The following ADARB2 variants were observed in gnomAD, a reference collection of about 807,000 sequenced individuals.
ADARB2 encodes adenosine deaminase RNA specific B2 (inactive).
A neutral mutation model predicts 62.2 loss-of-function variants in ADARB2; 25 were observed. The observed-to-expected ratio is 0.40, with a 90% CI of 0.29 to 0.56. The LOEUF is 0.56. Among genes scored for constraint, ADARB2 ranks in the 20% least tolerant of loss-of-function variants. ADARB2 has a pLI of 0.43. For synonymous variants in ADARB2, 572 were observed against 500.8 expected, an observed-to-expected ratio of 1.14 and a Z score of -1.90; for missense variants, 1,071 against 1,077.4, an observed-to-expected ratio of 0.99 and a Z score of 0.08.
intron 1 of ADARB2, among the ~76,000 whole-genome samples, chr10:1,732,144 G>A: frequency 6.6e-6 from 1 of 151,694 alleles, no homozygotes; most frequent in East Asian, 1.9e-4. Context: ...TATAAAAATT[G>A]CTCAAATGTT....
intron 1 of ADARB2, among the ~76,000 whole-genome samples, chr10:1,565,337 C>A (rs115166240): frequency 5.3e-5 from 8 of 152,256 alleles, no homozygotes; most frequent in African/African-American, 1.9e-4. Flanking sequence ...CAACACAGAT[C>A]GAATGCGTCT....
intron 1 of ADARB2, among the ~76,000 whole-genome samples, chr10:1,616,153 C>T (rs1450190803): frequency 1.3e-5 from 2 of 152,162 alleles, no homozygotes; most frequent in East Asian, 1.9e-4. Context: ...ACTTTTTCTC[C>T]CATTTTTCTT....
chr10:1,414,060 C>A (rs147736757), intron 1 of ADARB2, among the ~76,000 whole-genome samples: 249 of 152,306 alleles, frequency 1.6e-3, no homozygotes, highest in African/African-American at 5.6e-3. Flanking sequence ...TGGAAGCCTC[C>A]CTGATACTCC....
At chr10:1,250,771 A>T (rs1312748080) in intron 4 of ADARB2, among the ~76,000 whole-genome samples, 1 of 152,204 alleles carries the variant, frequency 6.6e-6, no homozygotes, top group Non-Finnish European at 1.5e-5. Flanking sequence ...GGGCAAGCTG[A>T]TTCTAAAAGG....
chr10:1,250,117 TAATG>T (rs1831023662), intron 4 of ADARB2, among the ~76,000 whole-genome samples: 1 of 143,926 alleles, frequency 6.9e-6, no homozygotes, highest in African/African-American at 2.4e-5. Context: ...AGGTTTAACA[TAATG>T]AATCCTCTCT....
intron 2 of ADARB2, among the ~76,000 whole-genome samples, chr10:1,370,266 A>C (rs961320097): frequency 2.0e-5 from 1 of 49,214 alleles, no homozygotes; most frequent in African/African-American, 3.0e-5. Flanking sequence ...TTCATGATAA[A>C]AACTGTCAAC....
chr10:1,341,089 CAA>C (rs1832021837), intron 3 of ADARB2, among the ~76,000 whole-genome samples: 1 of 150,952 alleles, frequency 6.6e-6, no homozygotes, highest in Non-Finnish European at 1.5e-5. Context: ...CACCACAGAA[CAA>C]AGTGTCCTAC....
intron 2 of ADARB2, among the ~76,000 whole-genome samples, chr10:1,372,009 C>T (rs1048554532): frequency 5.3e-5 from 8 of 152,238 alleles, no homozygotes; most frequent in Admixed American, 6.5e-5. Flanking sequence ...GACGCCTGTA[C>T]GTGTATGTTC....
At position 1,266,511 on chromosome 10, in the gene ADARB2, T is replaced by TC. The variant is rs1165515461; in HGVS notation, c.1192+4443_1192+4444insG. On this transcript the variant is annotated intron_variant, in intron 4 of 9. Transcript: ENST00000381312. The stretch of plus-strand genomic sequence containing the variant: ...ACCTCATTGGCGCTGTGGTGGGGGG[T>TC]GGGGGGGGGGCCGTGCCCACAAATC... Among the ~76,000 whole-genome samples, 3 of 128,442 alleles carry TC rather than the reference T, an allele frequency of 2.3e-5. No individual in the cohort carries two copies. In the Admixed American group the frequency reaches 2.4e-4, roughly 10 times the overall value. The allele number at this position is 128,442 out of a possible 152,430, so 84.3% of individuals were successfully genotyped here. A position where few individuals can be genotyped will look rare whatever the true frequency, so the allele number is the denominator to read the frequency against.
rs564039174 is a variant in ADARB2 at position 1,380,105 on chromosome 10, T to A, written c.101-945A>T. Among the ~76,000 whole-genome samples, 27 of 152,350 alleles carry A rather than the reference T, an allele frequency of 1.8e-4. No individual in the cohort carries two copies. The South Asian group carries it at 4.8e-3, about 27-fold the overall frequency. On this transcript the variant is annotated intron_variant, in intron 1 of 9. Coordinates refer to ENST00000381312, the MANE Select transcript of ADARB2 (RefSeq NM_018702.4). The stretch of plus-strand genomic sequence containing the variant: ...GTTCACACGGCAGAACTCACTGCAC[T>A]GCAGAGGAGACGCCAACAGAGACAC...
intron 1 of ADARB2, among the ~76,000 whole-genome samples, chr10:1,582,129 C>T (rs181873673): frequency 2.6e-5 from 4 of 152,330 alleles, no homozygotes; most frequent in African/African-American, 4.8e-5. Flanking sequence ...GACCATTCCA[C>T]GTTTCATTTA....
intron 1 of ADARB2, among the ~76,000 whole-genome samples, chr10:1,569,623 G>T (rs554324271): frequency 2.0e-5 from 3 of 152,084 alleles, no homozygotes; most frequent in Non-Finnish European, 4.4e-5. Flanking sequence ...TTCTATATTC[G>T]CACCTGTCTC....
chr10:1,268,201 T>G (rs1831224710), intron 4 of ADARB2, among the ~76,000 whole-genome samples: 1 of 152,110 alleles, frequency 6.6e-6, no homozygotes, highest in South Asian at 2.1e-4. Context: ...AATATAGAAG[T>G]ATGTAGTACT....
At chr10:1,247,843 C>T (rs1831001061) in intron 4 of ADARB2, among the ~76,000 whole-genome samples, 1 of 152,154 alleles carries the variant, frequency 6.6e-6, no homozygotes, top group Non-Finnish European at 1.5e-5. Context: ...GCATCACCCT[C>T]CAGGTATAAA....
chr10:1,182,251 G>A lies in ADARB2; in HGVS notation c.*942C>T, dbSNP rs913028112. ...TATTACCTGGTAGGGAGGTTATAGG[G>A]TGGTAGCTAACCCTTACACAACCCA... is the stretch of plus-strand genomic sequence containing the variant. On this transcript the variant is annotated 3_prime_UTR_variant, in exon 10 of 10. Coordinates refer to ENST00000381312, the MANE Select transcript of ADARB2 (RefSeq NM_018702.4). The A allele has an allele frequency of 6.6e-6, 1 of 152,292 alleles. No homozygotes were observed. Among genetic ancestry groups the A allele is most frequent in the African/African-American group, 2.4e-5 (1 of 41,466 alleles). 9.4% of individuals were successfully genotyped at this position (152,292 alleles called of 1,614,324 possible). A position where few individuals can be genotyped will look rare whatever the true frequency, so the allele number is the denominator to read the frequency against.
chr10:1,710,867 G>A (rs1410835935), intron 1 of ADARB2, among the ~76,000 whole-genome samples: 1 of 152,168 alleles, frequency 6.6e-6, no homozygotes, highest in African/African-American at 2.4e-5. Context: ...AGTGTGAGGA[G>A]GAGGACAGCT....
At chr10:1,228,800 G>C (rs1257810846) in intron 6 of ADARB2, among the ~76,000 whole-genome samples, 1 of 152,230 alleles carries the variant, frequency 6.6e-6, no homozygotes, top group African/African-American at 2.4e-5. Context: ...CCAGCCATAA[G>C]CTCTGCCTGG....
chr10:1,357,755 CAAT>C (rs754233250), intron 3 of ADARB2, among the ~76,000 whole-genome samples: 1 of 152,144 alleles, frequency 6.6e-6, no homozygotes, highest in Non-Finnish European at 1.5e-5. Context: ...ACCATAAAAA[CAAT>C]GATGCTAATA....
intron 1 of ADARB2, among the ~76,000 whole-genome samples, chr10:1,602,728 G>T (rs1044704782): frequency 7.2e-6 from 1 of 139,306 alleles, no homozygotes; most frequent in African/African-American, 2.7e-5. Flanking sequence ...ACACACACCT[G>T]TACATACAGA....
Sources: allele counts gnomAD v4.1 joint callset (sites outside exome capture counted in the v4.1 genomes callset), GRCh38; gene constraint gnomAD v4.1.1; transcripts MANE v1.5; gene names NCBI Gene and HGNC (gene_info 2026-07-23, HGNC 2026-07-21).